The following PHF24 variants were observed in gnomAD, a reference collection of about 807,000 sequenced individuals.
PHF24 encodes the protein Galpha inhibitory interacting protein.
A neutral mutation model predicts 42.6 loss-of-function variants in PHF24; 25 were observed. The observed-to-expected ratio is 0.59, with a 90% CI of 0.43 to 0.82. The LOEUF is 0.82. Among genes scored for constraint, PHF24 ranks in the 40% least tolerant of loss-of-function variants. The pLI is 0.00. For missense variants in PHF24, 470 were observed against 538.1 expected (o/e 0.87, Z 1.25); for synonymous variants, 185 against 204.8 (o/e 0.90, Z 0.83).
chr9:34,928,466 A>T, the PHF24 span, among the ~76,000 whole-genome samples: 2 of 152,014 alleles, frequency 1.3e-5, no homozygotes, highest in Non-Finnish European at 2.9e-5. Flanking sequence ...AAATTTTTTT[A>T]AAACCCACTA....
At chr9:34,772,067 C>G in the PHF24 span, among the ~76,000 whole-genome samples, 6 of 152,250 alleles carry the variant, frequency 3.9e-5, no homozygotes, top group South Asian at 2.1e-4. Context: ...ATTAAATCAG[C>G]CTTACAAAGG....
chr9:34,734,923 A>G, the PHF24 span, among the ~76,000 whole-genome samples: 3 of 152,174 alleles, frequency 2.0e-5, no homozygotes, highest in South Asian at 4.1e-4. Flanking sequence ...TCAACCATAA[A>G]CACAAAGTAA....
upstream of PHF24, among the ~76,000 whole-genome samples, chr9:34,957,877 C>T (rs1826418610): frequency 6.6e-6 from 1 of 151,994 alleles, no homozygotes; most frequent in Non-Finnish European, 1.5e-5. Context: ...GGCCCCAGCG[C>T]CCCCAAGGCG....
the PHF24 span, among the ~76,000 whole-genome samples, chr9:34,903,692 A>T: frequency 1.3e-5 from 2 of 152,202 alleles, no homozygotes; most frequent in Non-Finnish European, 2.9e-5. Context: ...GTGTCCCCCA[A>T]CTGCAGGAAA....
the PHF24 span, among the ~76,000 whole-genome samples, chr9:34,902,743 G>A: frequency 6.6e-6 from 1 of 152,158 alleles, no homozygotes; most frequent in Non-Finnish European, 1.5e-5. Flanking sequence ...CATTTAAAAT[G>A]TTTCTAAATG....
chr9:34,941,134 G>A, the PHF24 span, among the ~76,000 whole-genome samples: 1 of 152,158 alleles, frequency 6.6e-6, no homozygotes, highest in African/African-American at 2.4e-5. Context: ...TTGGTTCCTA[G>A]ACGCATGTAT....
At chr9:34,892,933 G>C in the PHF24 span, 1 of 685,270 alleles carries the variant, frequency 1.5e-6, no homozygotes, top group East Asian at 2.7e-5. Context: ...TGGATTTCGG[G>C]GAGCCCAGAT....
chr9:34,714,747 G>C, the PHF24 span, among the ~76,000 whole-genome samples: 1 of 152,134 alleles, frequency 6.6e-6, no homozygotes, highest in Non-Finnish European at 1.5e-5. Flanking sequence ...AGACTTTCTC[G>C]CCTGGCACAG....
the PHF24 span, among the ~76,000 whole-genome samples, chr9:34,931,922 T>A: frequency 6.6e-6 from 1 of 152,180 alleles, no homozygotes; most frequent in Admixed American, 6.5e-5. Flanking sequence ...AATGTGAAAT[T>A]AACTTGTTTC....
chr9:34,728,736 AT>A, the PHF24 span: 4 of 1,282,990 alleles, frequency 3.1e-6, no homozygotes, highest in Non-Finnish European at 4.4e-6. Context: ...ACTTACATAC[AT>A]TTTTCACTCG....
chr9:34,889,740 C>T, the PHF24 span: 2 of 397,304 alleles, frequency 5.0e-6, no homozygotes, highest in Non-Finnish European at 4.4e-6. Context: ...CAAATTTTGC[C>T]CTGTAAAACA....
chr9:34,954,409 G>C (rs1439901256), upstream of PHF24, among the ~76,000 whole-genome samples: 3 of 152,328 alleles, frequency 2.0e-5, no homozygotes, highest in African/African-American at 7.2e-5. Context: ...CCCTAAATCT[G>C]AGAAGGCCAC....
the PHF24 span, among the ~76,000 whole-genome samples, chr9:34,747,712 G>C: frequency 6.6e-6 from 1 of 152,130 alleles, no homozygotes; most frequent in Non-Finnish European, 1.5e-5. Context: ...GTGTAAATTG[G>C]TACAACCACT....
At chr9:34,739,317 T>A in the PHF24 span, among the ~76,000 whole-genome samples, 1 of 152,206 alleles carries the variant, frequency 6.6e-6, no homozygotes, top group African/African-American at 2.4e-5. Context: ...GGAACATAAA[T>A]TGGAACAAAC....
the PHF24 span, chr9:34,892,545 T>C: frequency 2.4e-6 from 1 of 415,038 alleles, no homozygotes; most frequent in African/African-American, 2.0e-5. Flanking sequence ...TCAGGACTTT[T>C]TGGACATTGC....
the PHF24 span, chr9:34,710,086 T>G: frequency 8.1e-6 from 13 of 1,610,720 alleles, no homozygotes; most frequent in Admixed American, 2.2e-4. Context: ...AGAGGGTGAG[T>G]AAGAGGCCAG....
chr9:34,760,649 G>A, the PHF24 span, among the ~76,000 whole-genome samples: 2 of 152,178 alleles, frequency 1.3e-5, no homozygotes, highest in Non-Finnish European at 2.9e-5. Context: ...ACACTAGAGG[G>A]CAGCACGCCC....
chr9:34,884,701 A>G, the PHF24 span, among the ~76,000 whole-genome samples: 1 of 152,220 alleles, frequency 6.6e-6, no homozygotes, highest in Admixed American at 6.5e-5. Flanking sequence ...ATCTCCAACA[A>G]GATGGAATTT....
At chr9:34,728,169 C>T in the PHF24 span, 3 of 1,244,694 alleles carry the variant, frequency 2.4e-6, no homozygotes, top group South Asian at 1.4e-5. Context: ...CTTTGACTCT[C>T]ATCAAGAAAA....
Sources: allele counts gnomAD v4.1 joint callset (sites outside exome capture counted in the v4.1 genomes callset), GRCh38; gene constraint gnomAD v4.1.1; transcripts MANE v1.5; gene names NCBI Gene and HGNC (gene_info 2026-07-23, HGNC 2026-07-21).